Variants in SLC35F1 observed in about 807,000 individuals in gnomAD.
The protein encoded by SLC35F1 is solute carrier family 35 member F1, also known as chromosome 6 open reading frame 169.
In SLC35F1, 14 loss-of-function variants were observed where a neutral mutation model predicts 48.7. The ratio of observed to expected loss-of-function variants is 0.29; its 90% confidence interval spans 0.19 to 0.45. The LOEUF (loss-of-function observed/expected upper bound fraction) is 0.45. SLC35F1 is among the 20% of genes least tolerant of loss of function. SLC35F1 has a pLI of 1.00. For missense variants in SLC35F1, 404 were observed against 500.0 expected, an observed-to-expected ratio of 0.81 and a Z score of 1.83; for synonymous variants, 190 against 202.2, an observed-to-expected ratio of 0.94 and a Z score of 0.51.
rs187529476 is a variant in SLC35F1, at chr6:118,310,294, A to G, written c.1003-3734A>G. On this transcript the variant is annotated intron_variant, in intron 7 of 7. Transcript: ENST00000360388. ...CAGTCCTCATATAGCATTCCAGAGA[A>G]GTTCCTGATGTCTTTCCTTGGGGAG... 4.7e-3 allele frequency among the ~76,000 whole-genome samples: 721 copies of G among 152,278 alleles called. 7 individuals carry two copies. The highest frequency in any genetic ancestry group is 5.7e-3 in the Non-Finnish European group (390 of 68,026).
intron 1 of SLC35F1, among the ~76,000 whole-genome samples, chr6:117,950,285 T>C (rs1014903421): frequency 4.6e-5 from 7 of 152,174 alleles, no homozygotes; most frequent in African/African-American, 1.4e-4. Flanking sequence ...TTGTAGACTC[T>C]ACTGACTTCT....
rs151056743 is a variant in SLC35F1 at position 117,925,369 on chromosome 6, G to A, written c.173+17470G>A. 3.1e-3 allele frequency among the ~76,000 whole-genome samples: 475 copies of A among 152,194 alleles called. 2 individuals carry two copies. The highest frequency in any genetic ancestry group is 0.011 in the African/African-American group (457 of 41,530). On this transcript the variant is annotated intron_variant, in intron 1 of 7. Coordinates refer to ENST00000360388, the MANE Select transcript of SLC35F1 (RefSeq NM_001029858.4). ...ATCTTGCTACCAGCTGCTAACAGTA[G>A]CCACTTTATGACCATGAAGGAAACC... is the stretch of plus-strand genomic sequence containing the variant.
chr6:117,928,397 C>T (rs1776055739), intron 1 of SLC35F1, among the ~76,000 whole-genome samples: 1 of 152,052 alleles, frequency 6.6e-6, no homozygotes, highest in African/African-American at 2.4e-5. Context: ...ACATCAATAC[C>T]TATTTACTTA....
At chr6:117,968,552 T>G (rs1776600038) in intron 1 of SLC35F1, among the ~76,000 whole-genome samples, 2 of 152,198 alleles carry the variant, frequency 1.3e-5, no homozygotes, top group Non-Finnish European at 2.9e-5. Context: ...TTTATACAAA[T>G]TGTGCATTAA....
chr6:117,982,730 G>T (rs550402018), intron 1 of SLC35F1, among the ~76,000 whole-genome samples: 14 of 152,168 alleles, frequency 9.2e-5, no homozygotes, highest in Non-Finnish European at 1.6e-4. Context: ...GTGCAGTTAA[G>T]GCATCAGATC....
At position 118,004,883 on chromosome 6, in the gene SLC35F1, C is replaced by T. The variant is rs1376633968; in HGVS notation, c.173+96984C>T. Among the ~76,000 whole-genome samples the T allele has an allele frequency of 2.0e-5, 3 of 151,694 alleles. No homozygotes were observed. In the East Asian group the frequency reaches 5.8e-4, roughly 29 times the overall value. ...ATACTTATTGAGTGTCTGTTAGGTG[C>T]TAGAGATAGATCTAGTTGCTGGTCA... On this transcript the variant is annotated intron_variant, in intron 1 of 7. Transcript: ENST00000360388.
intron 1 of SLC35F1, among the ~76,000 whole-genome samples, chr6:117,988,641 T>G (rs1200831783): frequency 6.6e-6 from 1 of 152,232 alleles, no homozygotes; most frequent in African/African-American, 2.4e-5. Context: ...AGCCTGACCA[T>G]TAACTCTGAT....
At chr6:118,130,571 G>C (rs1462844132) in intron 1 of SLC35F1, among the ~76,000 whole-genome samples, 4 of 152,116 alleles carry the variant, frequency 2.6e-5, no homozygotes, top group African/African-American at 9.7e-5. Flanking sequence ...TTCAAGAAAA[G>C]TTACTAGTAG....
At chr6:117,946,536 A>T (rs1776297515) in intron 1 of SLC35F1, among the ~76,000 whole-genome samples, 2 of 152,204 alleles carry the variant, frequency 1.3e-5, no homozygotes, top group African/African-American at 4.8e-5. Flanking sequence ...TCCAATTTTA[A>T]GCTGTCATAA....
chr6:118,091,041 T>G (rs552585616), intron 1 of SLC35F1, among the ~76,000 whole-genome samples: 1 of 152,186 alleles, frequency 6.6e-6, no homozygotes, highest in Non-Finnish European at 1.5e-5. Flanking sequence ...AAATAAAAGA[T>G]GTCCGGATGA....
chr6:118,250,987 A>C (rs281870), intron 3 of SLC35F1, among the ~76,000 whole-genome samples: 15,270 of 150,546 alleles, frequency 0.1, 939 homozygotes, highest in African/African-American at 0.17. Context: ...AAAAAAGAAA[A>C]GAGAAAGAAA....
intron 1 of SLC35F1, among the ~76,000 whole-genome samples, chr6:117,927,251 G>A (rs188420682): frequency 6.6e-6 from 1 of 152,338 alleles, no homozygotes; most frequent in African/African-American, 2.4e-5. Flanking sequence ...AATGAAGGCA[G>A]AAGAAGAGAG....
intron 2 of SLC35F1, among the ~76,000 whole-genome samples, chr6:118,167,295 A>T (rs894738136): frequency 6.6e-6 from 1 of 152,190 alleles, no homozygotes; most frequent in Non-Finnish European, 1.5e-5. Context: ...AAAAGCATTT[A>T]CAGTCATGCC....
chr6:117,992,862 A>G (rs1375585073), intron 1 of SLC35F1, among the ~76,000 whole-genome samples: 4 of 152,232 alleles, frequency 2.6e-5, no homozygotes, highest in African/African-American at 9.6e-5. Context: ...TCACCCCTCT[A>G]CAATATCTAT....
At chr6:118,192,099 G>A (rs939817705) in intron 2 of SLC35F1, among the ~76,000 whole-genome samples, 1 of 152,106 alleles carries the variant, frequency 6.6e-6, no homozygotes, top group Non-Finnish European at 1.5e-5. Context: ...TCTTGAATAC[G>A]AGTTGTTATT....
intron 1 of SLC35F1, among the ~76,000 whole-genome samples, chr6:117,988,791 G>A (rs1458268627): frequency 6.6e-6 from 1 of 152,300 alleles, no homozygotes; most frequent in East Asian, 1.9e-4. Flanking sequence ...AGCAAATGGG[G>A]AGTTAGTGTT....
intron 1 of SLC35F1, among the ~76,000 whole-genome samples, chr6:117,930,531 A>G (rs1021172708): frequency 3.3e-5 from 5 of 152,110 alleles, no homozygotes; most frequent in Non-Finnish European, 7.4e-5. Context: ...CAGGACCTAG[A>G]TAGGCCTCTT....
intron 2 of SLC35F1, among the ~76,000 whole-genome samples, chr6:118,203,154 A>G (rs551962395): frequency 6.6e-6 from 1 of 152,206 alleles, no homozygotes; most frequent in South Asian, 2.1e-4. Flanking sequence ...TTCTCTCCTC[A>G]TATTCACTCC....
At chr6:117,932,133 AC>A (rs965341853) in intron 1 of SLC35F1, among the ~76,000 whole-genome samples, 1 of 152,236 alleles carries the variant, frequency 6.6e-6, no homozygotes, top group East Asian at 1.9e-4. Context: ...TTGCCCTCCC[AC>A]TGTGTGAGGA....
Sources: gnomAD v4.1 joint callset for allele counts (sites outside exome capture counted in the v4.1 genomes callset) on GRCh38, gnomAD v4.1.1 for gene constraint, MANE v1.5 for transcripts, NCBI Gene and HGNC (gene_info 2026-07-23, HGNC 2026-07-21) for gene names.